MAGI1: variants seen among roughly 807,000 people sequenced by gnomAD.
The protein encoded by MAGI1 is membrane-associated guanylate kinase, WW and PDZ domain-containing protein 1.
In MAGI1, 58 loss-of-function variants were observed where a neutral mutation model predicts 139.9. The ratio of observed to expected loss-of-function variants is 0.41; its 90% CI spans 0.34 to 0.52. MAGI1 has a LOEUF of 0.52. Among genes scored for constraint, MAGI1 ranks in the 20% least tolerant of loss-of-function variants. The pLI, the probability that MAGI1 is intolerant of heterozygous loss-of-function variation, is 0.12. For missense variants in MAGI1, 1,874 were observed against 1,901.6 expected, an observed-to-expected ratio of 0.99 and a Z score of 0.27; for synonymous variants, 812 against 737.9, an observed-to-expected ratio of 1.10 and a Z score of -1.63.
intron 1 of MAGI1, among the ~76,000 whole-genome samples, chr3:66,011,352 C>G (rs17074297): frequency 0.18 from 27,015 of 152,130 alleles, 3,616 homozygotes; most frequent in African/African-American, 0.37. Context: ...GAGCTCAAAT[C>G]CAAGCACACC....
chr3:65,769,156 G>A (rs953315257), intron 1 of MAGI1, among the ~76,000 whole-genome samples: 7 of 152,196 alleles, frequency 4.6e-5, no homozygotes, highest in Admixed American at 2.0e-4. Context: ...TTTAAAAGTT[G>A]TCGATCTGTT....
At chr3:65,845,101 C>G (rs1373070973) in intron 1 of MAGI1, among the ~76,000 whole-genome samples, 2 of 151,832 alleles carry the variant, frequency 1.3e-5, no homozygotes, top group South Asian at 2.1e-4. Flanking sequence ...AAATACAAAA[C>G]TTAGCTGGGT....
intron 2 of MAGI1, among the ~76,000 whole-genome samples, chr3:65,497,224 A>G (rs1424545201): frequency 6.6e-6 from 1 of 152,154 alleles, no homozygotes; most frequent in Non-Finnish European, 1.5e-5. Flanking sequence ...GAAAGATAAA[A>G]TCTACAGAGA....
chr3:65,692,926 T>C (rs1367073628), intron 1 of MAGI1, among the ~76,000 whole-genome samples: 1 of 152,012 alleles, frequency 6.6e-6, no homozygotes. Context: ...AATATTGCTT[T>C]TTTGAGACAG....
rs1178798750 is a variant in MAGI1 at position 65,502,930 on chromosome 3, C to CAGTTA, written c.431-9300_431-9299insTAACT. Among the ~76,000 whole-genome samples, 775 of 152,138 alleles carry CAGTTA rather than the reference C, an allele frequency of 5.1e-3. 6 individuals are homozygous for CAGTTA. The highest frequency in any genetic ancestry group is 0.017 in the African/African-American group (717 of 41,510). On this transcript the variant is annotated intron_variant, in intron 2 of 22. Transcript: ENST00000402939. ...TTGGAGGGTGGGAGTGGTTAGAAAA[C>CAGTTA]GAACAGTGGAGAGAGGGGGTAAAAA...
At chr3:65,790,070 C>G (rs2039657880) in intron 1 of MAGI1, among the ~76,000 whole-genome samples, 1 of 152,134 alleles carries the variant, frequency 6.6e-6, no homozygotes, top group Non-Finnish European at 1.5e-5. Flanking sequence ...AGATGTCTAA[C>G]AGAAAGATTT....
intron 1 of MAGI1, among the ~76,000 whole-genome samples, chr3:65,823,117 A>C (rs966084809): frequency 6.6e-6 from 1 of 152,234 alleles, no homozygotes; most frequent in Non-Finnish European, 1.5e-5. Context: ...TGTTTTAATC[A>C]CATATATTTA....
At chr3:65,777,450 T>C (rs964066875) in intron 1 of MAGI1, among the ~76,000 whole-genome samples, 3 of 152,188 alleles carry the variant, frequency 2.0e-5, no homozygotes, top group Admixed American at 6.5e-5. Flanking sequence ...AAAGGGACTA[T>C]ATTTGGCATA....
At chr3:65,565,471 A>C (rs2080571081) in intron 2 of MAGI1, among the ~76,000 whole-genome samples, 1 of 152,188 alleles carries the variant, frequency 6.6e-6, no homozygotes. Flanking sequence ...CGGTTGTTAA[A>C]GTCAGTGTTT....
At chr3:65,561,650 C>A (rs968423800) in intron 2 of MAGI1, among the ~76,000 whole-genome samples, 127 of 152,126 alleles carry the variant, frequency 8.3e-4, no homozygotes, top group Non-Finnish European at 1.8e-4. Flanking sequence ...TAATTTACAT[C>A]AACTCTCGTT....
chr3:65,646,367 T>C (rs2085258895), intron 1 of MAGI1, among the ~76,000 whole-genome samples: 1 of 151,744 alleles, frequency 6.6e-6, no homozygotes, highest in Non-Finnish European at 1.5e-5. Context: ...TAAATGTGTG[T>C]GCACTAAACA....
At chr3:65,454,400 A>G (rs1305532648) in intron 5 of MAGI1, among the ~76,000 whole-genome samples, 5 of 140,648 alleles carry the variant, frequency 3.6e-5, no homozygotes, top group Admixed American at 7.2e-5. Context: ...GGGAGGGGAG[A>G]GGGATAGCAT....
At chr3:65,978,462 G>A (rs772550655) in intron 1 of MAGI1, among the ~76,000 whole-genome samples, 1 of 152,034 alleles carries the variant, frequency 6.6e-6, no homozygotes, top group African/African-American at 2.4e-5. Context: ...GGAGGGAGCT[G>A]ACTGTCTCCT....
chr3:65,625,290 C>T (rs973598017), intron 1 of MAGI1, among the ~76,000 whole-genome samples: 2 of 152,062 alleles, frequency 1.3e-5, no homozygotes, highest in Non-Finnish European at 2.9e-5. Context: ...CCAATAAAAT[C>T]GATTTCAAAA....
At chr3:65,743,462 C>T (rs910150684) in intron 1 of MAGI1, among the ~76,000 whole-genome samples, 1 of 151,272 alleles carries the variant, frequency 6.6e-6, no homozygotes, top group Non-Finnish European at 1.5e-5. Context: ...AATCCCAGAA[C>T]TCTGGGAGGC....
chr3:65,383,462 G>A, intron 15 of MAGI1, 70 bp downstream of exon 15: 2 of 1,130,100 alleles, frequency 1.8e-6, no homozygotes, highest in East Asian at 2.3e-5. Context: ...TTGGTGATTT[G>A]TCACTGTCGC....
chr3:65,859,765 C>T (rs2059488493), intron 1 of MAGI1, among the ~76,000 whole-genome samples: 1 of 151,862 alleles, frequency 6.6e-6, no homozygotes, highest in African/African-American at 2.4e-5. Context: ...ATAGATCCCC[C>T]AAACAGACCA....
chr3:65,488,143 G>A (rs768130198), intron 3 of MAGI1, among the ~76,000 whole-genome samples: 136 of 151,906 alleles, frequency 9.0e-4, no homozygotes, highest in Non-Finnish European at 1.6e-3. Flanking sequence ...TCATCACATC[G>A]TTCTCTGTGG....
intron 12 of MAGI1, among the ~76,000 whole-genome samples, chr3:65,417,536 T>C (rs1428713943): frequency 6.6e-6 from 1 of 150,424 alleles, no homozygotes; most frequent in Admixed American, 6.6e-5. Context: ...TTTTAAAGCA[T>C]AAATTAAACC....
Sources: gnomAD v4.1 joint callset for allele counts (sites outside exome capture counted in the v4.1 genomes callset) on GRCh38, gnomAD v4.1.1 for gene constraint, MANE v1.5 for transcripts, NCBI Gene and HGNC (gene_info 2026-07-23, HGNC 2026-07-21) for gene names.